Variants in ATXN7L1 observed in about 807,000 individuals in gnomAD.
The protein encoded by ATXN7L1 is ataxin 7 like 1.
ATXN7L1 carries 15 observed loss-of-function variants against 70.8 expected under a neutral mutation model. The ratio of observed to expected loss-of-function variants is 0.21; its 90% CI spans 0.14 to 0.33. The LOEUF (loss-of-function observed/expected upper bound fraction) is 0.33. ATXN7L1 is among the 10% of genes least tolerant of loss of function. ATXN7L1 has a pLI of 1.00. For synonymous variants in ATXN7L1, 440 were observed against 445.1 expected (o/e 0.99, Z 0.14); for missense variants, 975 against 1,097.1 (o/e 0.89, Z 1.57).
chr7:105,735,262 A>C (rs997572874), intron 3 of ATXN7L1, among the ~76,000 whole-genome samples: 1 of 152,204 alleles, frequency 6.6e-6, no homozygotes, highest in Non-Finnish European at 1.5e-5. Context: ...TTGTATAAAC[A>C]CTGCCAACCA....
At chr7:105,771,158 C>T (rs1361239877) in intron 3 of ATXN7L1, among the ~76,000 whole-genome samples, 1 of 151,222 alleles carries the variant, frequency 6.6e-6, no homozygotes, top group Non-Finnish European at 1.5e-5. Flanking sequence ...CGAGATCGCG[C>T]CACTGCACTC....
intron 3 of ATXN7L1, among the ~76,000 whole-genome samples, chr7:105,683,281 A>G (rs1805764205): frequency 1.3e-5 from 2 of 152,206 alleles, no homozygotes; most frequent in South Asian, 4.1e-4. Context: ...TTTCTGCGTT[A>G]GGATCTCCTT....
intron 7 of ATXN7L1, among the ~76,000 whole-genome samples, chr7:105,634,013 A>G (rs540258598): frequency 6.6e-6 from 1 of 152,084 alleles, no homozygotes; most frequent in South Asian, 2.1e-4. Context: ...AGCCTCCTGG[A>G]GGTGATATAG....
intron 3 of ATXN7L1, among the ~76,000 whole-genome samples, chr7:105,745,810 A>G (rs768268278): frequency 2.6e-4 from 39 of 152,200 alleles, no homozygotes; most frequent in Admixed American, 1.5e-3. Flanking sequence ...CTCTAATCCC[A>G]TCTGTTCCCA....
chr7:105,683,058 T>C (rs1016901668), intron 3 of ATXN7L1, among the ~76,000 whole-genome samples: 6 of 152,170 alleles, frequency 3.9e-5, no homozygotes, highest in African/African-American at 1.4e-4. Flanking sequence ...TGAAATCACT[T>C]AAAGGAGGTA....
In ATXN7L1 at chr7:105,736,137, C is replaced by T. The variant is rs138636295; in HGVS notation, c.355+52467G>A. 3.1e-3 allele frequency among the ~76,000 whole-genome samples: 475 copies of T among 152,324 alleles called. 1 individual carries two copies. Among genetic ancestry groups the T allele is most frequent in the African/African-American group, 0.011 (449 of 41,568 alleles). On this transcript the variant is annotated intron_variant, in intron 3 of 11. Transcript: ENST00000419735. The stretch of plus-strand genomic sequence containing the variant: ...AAATAGGATCCAGTCCCTCCCTCTT[C>T]TGTGGGCTTCCCAGGACTGAGTGAT...
chr7:105,645,814 A>AACAC (rs1210300259), intron 4 of ATXN7L1, among the ~76,000 whole-genome samples: 1 of 23,450 alleles, frequency 4.3e-5, no homozygotes, highest in African/African-American at 2.9e-4. Context: ...CGCCACCACA[A>AACAC]ACAAACAAAC....
chr7:105,734,682 A>T (rs1163124371), intron 3 of ATXN7L1, among the ~76,000 whole-genome samples: 1 of 148,994 alleles, frequency 6.7e-6, no homozygotes, highest in Non-Finnish European at 1.5e-5. Context: ...TTCTTACGTG[A>T]TGGAGCTTGA....
chr7:105,806,152 A>T (rs1402368818), intron 2 of ATXN7L1, among the ~76,000 whole-genome samples: 1 of 152,102 alleles, frequency 6.6e-6, no homozygotes, highest in Non-Finnish European at 1.5e-5. Context: ...TGCAGGTTAC[A>T]TGGTGCTAGA....
In ATXN7L1 at chr7:105,642,932, C is replaced by T; in HGVS notation, c.768G>A (p.Lys256=). The T allele has an allele frequency of 6.4e-7, 1 of 1,551,696 alleles. No homozygotes were observed. Among genetic ancestry groups the T allele is most frequent in the East Asian group, 2.4e-5 (1 of 40,914 alleles). ...GCAGAATTCCTTTGCCATTTAAGAT[C>T]TTCTCTGGTGAAGGTGGCACTGACT... is the stretch of plus-strand genomic sequence containing the variant. ...MSKSVPPSPE[K]ILNGKGILPT... is the part of the protein sequence containing the mutation. The change falls in exon 5 of 12, where the codon AAG becomes AAA. Residue 256 remains lysine, a synonymous_variant. Coordinates refer to ENST00000419735, the MANE Select transcript of ATXN7L1 (RefSeq NM_020725.2).
At position 105,641,212 on chromosome 7, in the gene ATXN7L1, C is replaced by CT. The variant is rs1330033741; in HGVS notation, c.862+1625dup. 1.4e-3 allele frequency among the ~76,000 whole-genome samples: 88 copies of CT among 64,000 alleles called. 1 individual carries two copies. Among genetic ancestry groups the CT allele is most frequent in the Middle Eastern group, 8.6e-3 (1 of 116 alleles). The allele number at this position is 64,000 out of a possible 152,430, so 42.0% of individuals were successfully genotyped here. ...CTGCCTTTTCTCTCTCTCTCTCTCTCTCTTTTTTTTTTTTTTTTTTTTTTT... is the reference window on the plus strand; with the variant it reads ...CTGCCTTTTCTCTCTCTCTCTCTCTCTTCTTTTTTTTTTTTTTTTTTTTTTT... On this transcript the variant is annotated intron_variant, in intron 5 of 11. Coordinates refer to ENST00000419735, the MANE Select transcript of ATXN7L1 (RefSeq NM_020725.2).
At chr7:105,822,004 T>G (rs1457809662) in intron 2 of ATXN7L1, among the ~76,000 whole-genome samples, 1 of 152,264 alleles carries the variant, frequency 6.6e-6, no homozygotes. Context: ...TAGGGCTTAG[T>G]GACTTGCCAC....
intron 9 of ATXN7L1, among the ~76,000 whole-genome samples, chr7:105,615,319 T>C (rs1260123978): frequency 6.6e-6 from 1 of 152,174 alleles, no homozygotes; most frequent in Non-Finnish European, 1.5e-5. Context: ...CTCCAGCTTC[T>C]GCCCAGAGAC....
At chr7:105,651,751 T>A (rs1799872441) in intron 4 of ATXN7L1, among the ~76,000 whole-genome samples, 1 of 152,210 alleles carries the variant, frequency 6.6e-6, no homozygotes, top group Admixed American at 6.5e-5. Flanking sequence ...CCCATCTGTA[T>A]AGGACATTCT....
At chr7:105,854,205 G>T (rs1541438) in intron 2 of ATXN7L1, among the ~76,000 whole-genome samples, 8 of 152,098 alleles carry the variant, frequency 5.3e-5, no homozygotes, top group Non-Finnish European at 1.0e-4. Flanking sequence ...ACTGTGCCAA[G>T]AAGTCTTTTT....
In ATXN7L1 at chr7:105,780,492, G is replaced by GA. The variant is rs1195093112; in HGVS notation, c.355+8111dup. Among the ~76,000 whole-genome samples, 9 of 150,342 alleles carry GA rather than the reference G, an allele frequency of 6.0e-5. No individual in the cohort carries two copies. In the East Asian group the frequency reaches 1.2e-3, roughly 19 times the overall value. ...ATAAAAAGCCCTCTCTGAGAAGGAG[G>GA]AAAAAAAATCTAATCCTCTCTTGTC... is the stretch of plus-strand genomic sequence containing the variant. On this transcript the variant is annotated intron_variant, in intron 3 of 11. Transcript: ENST00000419735.
At chr7:105,788,354 C>T (rs1256675816) in intron 3 of ATXN7L1, 1 of 436,978 alleles carries the variant, frequency 2.3e-6, no homozygotes, top group Non-Finnish European at 4.2e-6. Flanking sequence ...CAGATGGCTT[C>T]AGTCTAGTCC....
intron 3 of ATXN7L1, 146 bp downstream of exon 3, chr7:105,788,458 A>C: frequency 4.6e-6 from 3 of 652,828 alleles, no homozygotes; most frequent in Non-Finnish European, 5.4e-6. Context: ...ACAGCCTGCG[A>C]GCAGAGGCAG....
chr7:105,638,150 C>A (rs1188474018), intron 7 of ATXN7L1, among the ~76,000 whole-genome samples: 3 of 152,194 alleles, frequency 2.0e-5, no homozygotes, highest in Non-Finnish European at 2.9e-5. Flanking sequence ...ATGATGACAG[C>A]AGTAAAATCT....
Sources: gnomAD v4.1 joint callset for allele counts (sites outside exome capture counted in the v4.1 genomes callset) on GRCh38, gnomAD v4.1.1 for gene constraint, MANE v1.5 for transcripts, NCBI Gene and HGNC (gene_info 2026-07-23, HGNC 2026-07-21) for gene names.